SNX9: variants seen among roughly 807,000 people sequenced by gnomAD.
SNX9 encodes the protein sorting nexin 9, also known as sorting nexin-9.
In SNX9, 44 loss-of-function variants were observed where a neutral mutation model predicts 89.4. That is an observed-to-expected ratio of 0.49 (90% CI 0.39 to 0.63). The LOEUF is 0.63. Ranked by LOEUF, SNX9 falls within the 30% of genes least tolerant of loss-of-function variation. The probability of loss-of-function intolerance (pLI) is 0.00; values close to 1 mark genes in which losing one functional copy is unlikely to be tolerated. For synonymous variants in SNX9, 236 were observed against 247.8 expected, an observed-to-expected ratio of 0.95 and a Z score of 0.45; for missense variants, 578 against 736.1, an observed-to-expected ratio of 0.79 and a Z score of 2.49.
At chr6:157,856,291 A>G (rs1782010014) in intron 1 of SNX9, among the ~76,000 whole-genome samples, 1 of 152,232 alleles carries the variant, frequency 6.6e-6, no homozygotes, top group African/African-American at 2.4e-5. Context: ...AGAAGAGTAT[A>G]ATAAAGCTGT....
At chr6:157,892,232 T>C (rs943938991) in intron 4 of SNX9, among the ~76,000 whole-genome samples, 3 of 151,982 alleles carry the variant, frequency 2.0e-5, no homozygotes, top group Non-Finnish European at 4.4e-5. Context: ...CAAGGGGATT[T>C]GGGAGTTGAG....
intron 13 of SNX9, 69 bp downstream of exon 13, chr6:157,932,341 C>G: frequency 7.2e-7 from 1 of 1,385,128 alleles, no homozygotes; most frequent in Non-Finnish European, 1.0e-6. Context: ...GCTTAGGATC[C>G]TGCAGACGCT....
At chr6:157,872,759 GC>G (rs2115139826) in intron 2 of SNX9, 2 of 164,930 alleles carry the variant, frequency 1.2e-5, no homozygotes, top group South Asian at 3.5e-4. Context: ...CAGATTCCAG[GC>G]CTGGGATGCG....
intron 1 of SNX9, among the ~76,000 whole-genome samples, chr6:157,858,645 AC>A (rs1457444939): frequency 6.6e-6 from 1 of 152,204 alleles, no homozygotes; most frequent in African/African-American, 2.4e-5. Context: ...ATGTTCTCAC[AC>A]TGCTAGTAAA....
chr6:157,867,681 T>G (rs1782296250), intron 2 of SNX9, 48 bp downstream of exon 2: 1 of 1,376,236 alleles, frequency 7.3e-7, no homozygotes, highest in Non-Finnish European at 1.0e-6. Context: ...TGGACTTATT[T>G]TTAACAAATC....
intron 11 of SNX9, among the ~76,000 whole-genome samples, chr6:157,927,465 G>A (rs562454549): frequency 7.2e-5 from 11 of 152,272 alleles, no homozygotes; most frequent in African/African-American, 2.6e-4. Flanking sequence ...ACGGTGCTGA[G>A]TAGCTGTTTC....
intron 16 of SNX9, among the ~76,000 whole-genome samples, chr6:157,940,161 C>G (rs943357776): frequency 3.9e-5 from 6 of 152,216 alleles, no homozygotes; most frequent in African/African-American, 1.4e-4. Context: ...CACCAGAAAC[C>G]TGCTGAAGCA....
At chr6:157,849,757 T>C (rs932101592) in intron 1 of SNX9, among the ~76,000 whole-genome samples, 2 of 152,090 alleles carry the variant, frequency 1.3e-5, no homozygotes, top group African/African-American at 4.8e-5. Context: ...AGAAGTTCCA[T>C]CTAGAAGGCT....
chr6:157,891,954 A>ATT (rs1562607169), intron 4 of SNX9, among the ~76,000 whole-genome samples: 1 of 152,222 alleles, frequency 6.6e-6, no homozygotes, highest in Non-Finnish European at 1.5e-5. Flanking sequence ...CCTGTGCTGA[A>ATT]GAAACTCCTG....
chr6:157,871,265 C>T (rs1212816734), intron 2 of SNX9, among the ~76,000 whole-genome samples: 1 of 152,032 alleles, frequency 6.6e-6, no homozygotes, highest in Non-Finnish European at 1.5e-5. Context: ...CCTGTAATCC[C>T]AGCTACTTGG....
At chr6:157,930,817 C>A (rs1783796814) in intron 12 of SNX9, among the ~76,000 whole-genome samples, 1 of 152,132 alleles carries the variant, frequency 6.6e-6, no homozygotes, top group Admixed American at 6.6e-5. Context: ...TGAAAGAATT[C>A]AGTTTTTAAA....
chr6:157,827,476 ATATAATATATAAACTTATAGTT>A (rs1562586409), intron 1 of SNX9, among the ~76,000 whole-genome samples: 1,215 of 46,160 alleles, frequency 0.026, 195 homozygotes, highest in East Asian at 0.067. Context: ...CTTATAGTTT[ATATAATATATAAACTTATAGTT>A]TATATAATAT....
intron 1 of SNX9, among the ~76,000 whole-genome samples, chr6:157,825,499 G>T (rs1781326392): frequency 6.6e-6 from 1 of 152,114 alleles, no homozygotes; most frequent in South Asian, 2.1e-4. Context: ...ATCTCGAATT[G>T]CATGTGTCTT....
At chr6:157,841,259 C>A (rs2115113722) in intron 1 of SNX9, among the ~76,000 whole-genome samples, 1 of 152,270 alleles carries the variant, frequency 6.6e-6, no homozygotes, top group East Asian at 1.9e-4. Context: ...ATTAGTCATG[C>A]TGAAAAATTC....
chr6:157,907,723 G>A (rs184934170), intron 7 of SNX9, among the ~76,000 whole-genome samples: 15 of 152,358 alleles, frequency 9.8e-5, no homozygotes, highest in Admixed American at 4.6e-4. Flanking sequence ...CTGTGTGGGC[G>A]TCTATACATG....
At chr6:157,856,029 G>A (rs1023570388) in intron 1 of SNX9, among the ~76,000 whole-genome samples, 2 of 152,180 alleles carry the variant, frequency 1.3e-5, no homozygotes, top group African/African-American at 4.8e-5. Context: ...GATTACAGGC[G>A]TGAGCCACCA....
intron 1 of SNX9, among the ~76,000 whole-genome samples, chr6:157,835,918 A>G (rs1781573581): frequency 1.3e-5 from 2 of 152,106 alleles, no homozygotes; most frequent in Non-Finnish European, 2.9e-5. Flanking sequence ...ATACACCACC[A>G]TGCCTAGCCA....
chr6:157,863,622 G>T (rs1237471466), intron 1 of SNX9, among the ~76,000 whole-genome samples: 1 of 152,168 alleles, frequency 6.6e-6, no homozygotes, highest in Non-Finnish European at 1.5e-5. Flanking sequence ...ATAGGAAAAT[G>T]GACCATTTCT....
intron 1 of SNX9, among the ~76,000 whole-genome samples, chr6:157,862,422 A>C (rs1411034499): frequency 6.6e-6 from 1 of 152,194 alleles, no homozygotes; most frequent in Non-Finnish European, 1.5e-5. Context: ...TAGAAATATT[A>C]CCTACTCTTT....
Sources: allele counts gnomAD v4.1 joint callset (sites outside exome capture counted in the v4.1 genomes callset), GRCh38; gene constraint gnomAD v4.1.1; transcripts MANE v1.5; gene names NCBI Gene and HGNC (gene_info 2026-07-23, HGNC 2026-07-21).